DNAH8: variants seen among roughly 807,000 people sequenced by gnomAD.
DNAH8 encodes the protein axonemal beta dynein heavy chain 8.
A neutral mutation model predicts 562.1 loss-of-function variants in DNAH8; 382 were observed. The observed-to-expected ratio is 0.68, with a 90% confidence interval of 0.63 to 0.74. The LOEUF is 0.74. DNAH8 is among the 30% of genes least tolerant of loss of function. The pLI is 0.00. For missense variants in DNAH8, 5,203 were observed against 5,620.4 expected (o/e 0.93, Z 2.37); for synonymous variants, 1,881 against 1,919.4 (o/e 0.98, Z 0.52).
chr6:38,877,088 C>T (rs1561803140), intron 53 of DNAH8, among the ~76,000 whole-genome samples: 1 of 152,180 alleles, frequency 6.6e-6, no homozygotes, highest in African/African-American at 2.4e-5. Context: ...CTCCACAGCG[C>T]TGCTTTCTGA....
chr6:38,787,009 A>G, intron 18 of DNAH8, 57 bp downstream of exon 18: 2 of 1,081,202 alleles, frequency 1.8e-6, no homozygotes, highest in Non-Finnish European at 2.5e-6. Context: ...TAAAAAAAAT[A>G]TGTATATATA....
intron 82 of DNAH8, 51 bp from the exon 83 acceptor site, chr6:38,971,541 C>T (rs1763352370): frequency 8.9e-7 from 1 of 1,118,410 alleles, no homozygotes; most frequent in African/African-American, 1.6e-5. Context: ...TCATTCTAAT[C>T]CTGCTGTAAG....
rs1369340028 is a variant in DNAH8 at position 38,737,109 on chromosome 6, A to G, written c.805A>G (p.Asn269Asp). ...TCTGGATGCGTCGAAAGGACTCTTA[A>G]ATGGAATTAGGGATATGTTGGCAAA... The part of the protein sequence containing the change: ...TVLDASKGLL[N>D]GIRDMLANIF... Residue 269 changes from asparagine to aspartate, a missense_variant, in exon 6 of 93, where the codon AAT becomes GAT. Asn to Asp is a conservative substitution (Grantham distance 23). Coordinates refer to ENST00000327475, the MANE Select transcript of DNAH8 (RefSeq NM_001206927.2). 1 of 1,575,432 alleles carries G rather than the reference A, an allele frequency of 6.3e-7. No individual in the cohort carries two copies. Among genetic ancestry groups the G allele is most frequent in the South Asian group, 1.2e-5 (1 of 83,078 alleles).
chr6:38,812,881 T>G (rs1309408251), intron 24 of DNAH8, among the ~76,000 whole-genome samples: 1 of 152,212 alleles, frequency 6.6e-6, no homozygotes, highest in African/African-American at 2.4e-5. Flanking sequence ...CTCCCTACCT[T>G]GGTTTCCTTA....
At chr6:38,953,339 G>A (rs1762043548) in intron 82 of DNAH8, among the ~76,000 whole-genome samples, 1 of 152,158 alleles carries the variant, frequency 6.6e-6, no homozygotes, top group Non-Finnish European at 1.5e-5. Flanking sequence ...TATTCAACTA[G>A]AGTTACCATT....
chr6:38,987,633 G>A (rs1202727111), intron 87 of DNAH8, among the ~76,000 whole-genome samples: 1 of 152,118 alleles, frequency 6.6e-6, no homozygotes, highest in Non-Finnish European at 1.5e-5. Flanking sequence ...CCCCTGAGTG[G>A]CTTCTGTGGG....
intron 32 of DNAH8, among the ~76,000 whole-genome samples, chr6:38,835,265 A>G (rs1774184755): frequency 6.6e-6 from 1 of 151,650 alleles, no homozygotes; most frequent in Non-Finnish European, 1.5e-5. Flanking sequence ...CAGTGGCTGA[A>G]TAGTGTGATT....
rs1298918535 is a variant in DNAH8 at position 38,783,476 on chromosome 6, C to T, written c.2395+337C>T. ...CATGATATAGATTCAAATCTCAGTC[C>T]CATTCTGGAGAGAAAAAATTGCATC... On this transcript the variant is annotated intron_variant, in intron 17 of 92. Transcript: ENST00000327475. Among the ~76,000 whole-genome samples the T allele has an allele frequency of 3.9e-5, 6 of 152,146 alleles. No homozygotes were observed. The South Asian group carries it at 8.3e-4, about 21-fold the overall frequency.
chr6:38,881,435 CAAT>C lies in DNAH8; in HGVS notation c.7859-1474_7859-1472del, dbSNP rs1561809685. Among the ~76,000 whole-genome samples the C allele has an allele frequency of 2.0e-5, 3 of 151,808 alleles. 1 individual carries two copies. In the South Asian group the frequency reaches 6.2e-4, roughly 32 times the overall value. ...AATGAAAGTAATTCAATTTGAATGG[CAAT>C]GATAGGAATAACGCCAATACAAGTT... On this transcript the variant is annotated intron_variant, in intron 53 of 92. Transcript: ENST00000327475.
chr6:38,809,899 C>T (rs1319815366), intron 24 of DNAH8, among the ~76,000 whole-genome samples: 1 of 152,110 alleles, frequency 6.6e-6, no homozygotes. Context: ...TTTGGCAAAT[C>T]CCTTTATCTG....
At chr6:38,785,568 C>T (rs537631439) in intron 17 of DNAH8, among the ~76,000 whole-genome samples, 2 of 152,140 alleles carry the variant, frequency 1.3e-5, no homozygotes, top group African/African-American at 4.8e-5. Context: ...CACCTGTCCA[C>T]CTGTCATCTA....
At chr6:38,725,304 T>TATAATAATA (rs10526350) in intron 3 of DNAH8, among the ~76,000 whole-genome samples, 15,369 of 135,152 alleles carry the variant, frequency 0.11, 974 homozygotes, top group Middle Eastern at 0.14. Flanking sequence ...CTCCAACTCA[T>TATAATAATA]ATAATAATAA....
intron 45 of DNAH8, among the ~76,000 whole-genome samples, chr6:38,865,625 T>C: frequency 6.6e-6 from 1 of 152,156 alleles, no homozygotes; most frequent in East Asian, 1.9e-4. Flanking sequence ...CTGAGTCAAC[T>C]CTCTTCAAAA....
At chr6:39,010,820 C>CACGTATGTATGTAT (rs1554163118) in intron 89 of DNAH8, among the ~76,000 whole-genome samples, 69 of 132,830 alleles carry the variant, frequency 5.2e-4, no homozygotes, top group African/African-American at 1.8e-3. Flanking sequence ...CACACACACA[C>CACGTATGTATGTAT]GTATGTATGT....
chr6:38,795,597 A>G lies in DNAH8; in HGVS notation c.2901+3923A>G, dbSNP rs1031146819. Among the ~76,000 whole-genome samples, 392 of 146,798 alleles carry G rather than the reference A, an allele frequency of 2.7e-3. 1 individual carries two copies. Among genetic ancestry groups the G allele is most frequent in the Admixed American group, 8.1e-3 (119 of 14,746 alleles). ...TGTGTCTCAGAAAAAAAAAAAAAAGAGTGTAAGTCAAGATGCAGGAGGCAG... is the reference window on the plus strand; with the variant it reads ...TGTGTCTCAGAAAAAAAAAAAAAAGGGTGTAAGTCAAGATGCAGGAGGCAG... On this transcript the variant is annotated intron_variant, in intron 21 of 92. Transcript: ENST00000327475.
Position 38,883,450 on chromosome 6 carries a change from G to A in DNAH8, c.8130G>A (p.Met2710Ile), listed in dbSNP as rs746071253. 7 of 1,605,924 alleles carry A rather than the reference G, an allele frequency of 4.4e-6. No homozygotes were observed. Among genetic ancestry groups the A allele is most frequent in the African/African-American group, 4.0e-5 (3 of 74,624 alleles). The change falls in exon 55 of 93, where the codon ATG (methionine) becomes ATA (isoleucine). Residue 2710 changes from methionine to isoleucine, a missense_variant. This residue lies in a region of DNAH8 where 977 missense variants were observed against 1,061.8 expected (regional missense o/e 0.92). Transcript: ENST00000327475. ...TTTCATCTGCCACAGAACCAATGAT[G>A]TTTCAGGTGAAATCCATCATTTGCT... is the stretch of plus-strand genomic sequence containing the variant. ...LNFSSATEPM[M>I]FQRTIESYVD...
At position 38,722,996 on chromosome 6, in the gene DNAH8, G is replaced by A. The variant is rs906090744; in HGVS notation, c.187G>A (p.Asp63Asn). 3 of 1,612,716 alleles carry A rather than the reference G, an allele frequency of 1.9e-6. No individual in the cohort carries two copies. The highest frequency in any genetic ancestry group is 1.7e-5 in the Admixed American group (1 of 59,990). The change falls in exon 2 of 93, where the codon GAT (aspartate) becomes AAT (asparagine). Residue 63 changes from aspartate to asparagine, a missense_variant. Around this residue, in one of 6 missense-constraint regions of DNAH8, gnomAD observed 556 missense variants for 496.9 expected, o/e 1.12. Coordinates refer to ENST00000327475, the MANE Select transcript of DNAH8 (RefSeq NM_001206927.2). ...TGTTTCTTCTGTGGTGGATTATCGGGATCTCATTCCTTCTGAAGAAGGGAT... is the reference window on the plus strand; with the variant it reads ...TGTTTCTTCTGTGGTGGATTATCGGAATCTCATTCCTTCTGAAGAAGGGAT... ...DAVSSVVDYR[D>N]LIPSEEGIVL...
rs138189560 is a variant in DNAH8, at chr6:38,826,316, C to T, written c.4008C>T (p.Val1336=). Residue 1336 remains valine (V), a synonymous_variant, in exon 29 of 93, where the codon GTC becomes GTT. Transcript: ENST00000327475. ...GACCTATTCGTGATTTAGATGATGT[C>T]AGATTTGCAATGGAAGCCTTGTCTT... ...LSRPIRDLDD[V]RFAMEALSCI... is the part of the protein sequence containing the mutation. 3 of 1,613,210 alleles carry T rather than the reference C, an allele frequency of 1.9e-6. No individual in the cohort carries two copies. The highest frequency in any genetic ancestry group is 2.5e-6 in the Non-Finnish European group (3 of 1,179,628).
Position 38,990,055 on chromosome 6 carries a change from A to G in DNAH8, c.13097A>G (p.Tyr4366Cys). Residue 4366 changes from tyrosine to cysteine, a missense_variant, in exon 88 of 93, where the codon TAT becomes TGT. This residue lies in a region of DNAH8 where 1,399 missense variants were observed against 1,518.4 expected (regional missense o/e 0.92). Coordinates refer to ENST00000327475, the MANE Select transcript of DNAH8 (RefSeq NM_001206927.2). ...EKMFEPSFCF[Y>C]TGYKIPLCKT... ...ATGTTTGAACCGTCATTCTGCTTTT[A>G]TACTGGATATAAAATCCCCTTATGC... The G allele has an allele frequency of 2.5e-6, 4 of 1,600,420 alleles. No homozygotes were observed. Among genetic ancestry groups the G allele is most frequent in the Non-Finnish European group, 3.4e-6 (4 of 1,167,584 alleles).
Sources: gnomAD v4.1 joint callset for allele counts (sites outside exome capture counted in the v4.1 genomes callset) on GRCh38, gnomAD v4.1.1 for gene constraint, gnomAD v4.1.1 regional missense constraint, MANE v1.5 for transcripts, NCBI Gene and HGNC (gene_info 2026-07-23, HGNC 2026-07-21) for gene names.